The following ABHD12 variants were observed in gnomAD, a reference collection of about 807,000 sequenced individuals.
The protein encoded by ABHD12 is abhydrolase domain containing 12, lysophospholipase.
A neutral mutation model predicts 58.3 loss-of-function variants in ABHD12; 43 were observed. That is an observed-to-expected ratio of 0.74 (90% CI 0.58 to 0.95). The LOEUF is 0.95. Among genes scored for constraint, ABHD12 ranks in the 40% least tolerant of loss-of-function variants. The pLI is 0.00. For synonymous variants in ABHD12, 219 were observed against 211.2 expected (o/e 1.04, Z -0.32); for missense variants, 539 against 537.2 (o/e 1.00, Z -0.03).
chr20:25,345,512 G>A (rs1164312483), intron 1 of ABHD12, among the ~76,000 whole-genome samples: 1 of 152,132 alleles, frequency 6.6e-6, no homozygotes, highest in Non-Finnish European at 1.5e-5. Context: ...GAGAAGATAA[G>A]CCACAGACTC....
chr20:25,327,075 CCTA>C (rs1183578212), intron 2 of ABHD12, among the ~76,000 whole-genome samples: 1 of 152,218 alleles, frequency 6.6e-6, no homozygotes, highest in African/African-American at 2.4e-5. Flanking sequence ...GGGGTAAACA[CCTA>C]CCCCCACTAC....
intron 2 of ABHD12, among the ~76,000 whole-genome samples, chr20:25,325,203 CAAAAAAAAAAAAAAAAAAAAAAAAAA>C (rs376306392): frequency 1.3e-5 from 1 of 76,452 alleles, no homozygotes; most frequent in South Asian, 5.5e-4. Context: ...GACCCTGTTT[CAAAAAAAAAAAAAAAAAAAAAAAAAA>C]AGAACTGGCT....
intron 1 of ABHD12, among the ~76,000 whole-genome samples, chr20:25,360,607 C>T (rs1255409390): frequency 1.3e-5 from 2 of 152,054 alleles, no homozygotes. Flanking sequence ...TAAAATGCCA[C>T]TAAAATGACA....
At chr20:25,360,035 T>C (rs1438167433) in intron 1 of ABHD12, among the ~76,000 whole-genome samples, 1 of 152,046 alleles carries the variant, frequency 6.6e-6, no homozygotes, top group Non-Finnish European at 1.5e-5. Context: ...TTCTTTATGG[T>C]TTCTTGATGT....
intron 4 of ABHD12, among the ~76,000 whole-genome samples, chr20:25,319,933 C>G (rs973822307): frequency 6.6e-6 from 1 of 152,232 alleles, no homozygotes; most frequent in Non-Finnish European, 1.5e-5. Flanking sequence ...CACTTGGTCC[C>G]CACGGAACAC....
Position 25,350,959 on chromosome 20 carries a change from TCACACACACACACACACACACACA to T in ABHD12, c.192-11632_192-11609del, listed in dbSNP as rs61061019. Among the ~76,000 whole-genome samples the T allele has an allele frequency of 1.1e-4, 16 of 142,310 alleles. No homozygotes were observed. The South Asian group carries it at 1.4e-3, about 13-fold the overall frequency. The allele number at this position is 142,310 out of a possible 152,430, so 93.4% of individuals were successfully genotyped here. ...CAGAGGCTTCCATCCTACGAATCCT[TCACACACACACACACACACACACA>T]CACACACACACACACACACACACAC... is the stretch of plus-strand genomic sequence containing the variant. On this transcript the variant is annotated intron_variant, in intron 1 of 12. Coordinates refer to ENST00000339157, the MANE Select transcript of ABHD12 (RefSeq NM_001042472.3).
At chr20:25,386,403 C>T (rs544244615) in intron 1 of ABHD12, among the ~76,000 whole-genome samples, 3 of 150,810 alleles carry the variant, frequency 2.0e-5, no homozygotes, top group South Asian at 4.2e-4. Flanking sequence ...GGACTACAGG[C>T]GCCCGCCACC....
At chr20:25,387,123 TC>T (rs2090101687) in intron 1 of ABHD12, among the ~76,000 whole-genome samples, 1 of 151,878 alleles carries the variant, frequency 6.6e-6, no homozygotes, top group Admixed American at 6.6e-5. Flanking sequence ...AACAAAAAGC[TC>T]CCCACAACAT....
intron 1 of ABHD12, among the ~76,000 whole-genome samples, chr20:25,359,090 GCCT>G (rs1015853951): frequency 1.2e-4 from 18 of 146,094 alleles, no homozygotes; most frequent in African/African-American, 4.2e-4. Context: ...CATTAATGAT[GCCT>G]CCTTTGTAAA....
At chr20:25,376,658 T>A (rs1242847881) in intron 1 of ABHD12, among the ~76,000 whole-genome samples, 1 of 152,216 alleles carries the variant, frequency 6.6e-6, no homozygotes, top group East Asian at 1.9e-4. Context: ...AATTTTACTG[T>A]ATACTTATGT....
intron 1 of ABHD12, among the ~76,000 whole-genome samples, chr20:25,355,931 G>A (rs2089662279): frequency 6.6e-6 from 1 of 152,192 alleles, no homozygotes; most frequent in Non-Finnish European, 1.5e-5. Flanking sequence ...TATTTCAGGA[G>A]GCTGACTTCC....
intron 1 of ABHD12, among the ~76,000 whole-genome samples, chr20:25,375,538 T>C (rs1244877052): frequency 1.3e-5 from 2 of 152,156 alleles, no homozygotes; most frequent in East Asian, 1.9e-4. Flanking sequence ...TCTAGCCACA[T>C]TGGTCTCTCC....
At chr20:25,315,621 C>T (rs951952579) in intron 5 of ABHD12, among the ~76,000 whole-genome samples, 1 of 152,128 alleles carries the variant, frequency 6.6e-6, no homozygotes, top group African/African-American at 2.4e-5. Flanking sequence ...GGGCAGCCTG[C>T]ACTTCCTTGC....
intron 1 of ABHD12, among the ~76,000 whole-genome samples, chr20:25,376,041 T>G (rs910228964): frequency 6.6e-6 from 1 of 152,022 alleles, no homozygotes; most frequent in African/African-American, 2.4e-5. Flanking sequence ...GAGAATGGCA[T>G]GAGCTGGGAG....
At chr20:25,370,978 C>T (rs1351646187) in intron 1 of ABHD12, among the ~76,000 whole-genome samples, 1 of 152,052 alleles carries the variant, frequency 6.6e-6, no homozygotes, top group Non-Finnish European at 1.5e-5. Context: ...AGCCACACAC[C>T]AGGCCCTTCA....
intron 3 of ABHD12, among the ~76,000 whole-genome samples, chr20:25,321,192 A>C (rs1049156923): frequency 2.0e-5 from 3 of 152,228 alleles, no homozygotes; most frequent in Admixed American, 2.0e-4. Context: ...ACAGTTATAA[A>C]TTTGAGGGAT....
At chr20:25,342,326 G>A (rs1168702442) in intron 1 of ABHD12, among the ~76,000 whole-genome samples, 1 of 152,182 alleles carries the variant, frequency 6.6e-6, no homozygotes, top group Non-Finnish European at 1.5e-5. Context: ...CTGAAAGATG[G>A]CCAGGTCACT....
rs1437864308 is a variant in ABHD12 at position 25,300,904 on chromosome 20, G to A, written c.1158-20C>T. 5 of 1,612,550 alleles carry A rather than the reference G, an allele frequency of 3.1e-6. No individual in the cohort carries two copies. The highest frequency in any genetic ancestry group is 4.2e-6 in the Non-Finnish European group (5 of 1,178,814). On this transcript the variant is annotated intron_variant, in intron 12 of 12. Coordinates refer to ENST00000339157, the MANE Select transcript of ABHD12 (RefSeq NM_001042472.3). Reference sequence around the variant, plus strand: ...AATTCCCTAGACCACAGGACAATCAGGAGCCAATCATTTGAGCTCAGACCA... The same window carrying A: ...AATTCCCTAGACCACAGGACAATCAAGAGCCAATCATTTGAGCTCAGACCA...
chr20:25,385,229 C>T (rs7261761), intron 1 of ABHD12, among the ~76,000 whole-genome samples: 3,181 of 147,732 alleles, frequency 0.022, 104 homozygotes, highest in African/African-American at 0.074. Context: ...CCCAGCTACT[C>T]GGGAGGCGGA....
Sources: allele counts gnomAD v4.1 joint callset (sites outside exome capture counted in the v4.1 genomes callset), GRCh38; gene constraint gnomAD v4.1.1; transcripts MANE v1.5; gene names NCBI Gene and HGNC (gene_info 2026-07-23, HGNC 2026-07-21).